MOSPD1: variants seen among roughly 807,000 people sequenced by gnomAD.
MOSPD1 encodes motile sperm domain containing 1, also known as motile sperm domain-containing protein 1.
MOSPD1 carries 5 observed loss-of-function variants against 16.7 expected under a neutral mutation model. The ratio of observed to expected loss-of-function variants is 0.30; its 90% CI spans 0.16 to 0.63. MOSPD1 has a LOEUF of 0.63. Ranked by LOEUF, MOSPD1 falls within the 30% of genes least tolerant of loss-of-function variation. The probability of loss-of-function intolerance (pLI) is 0.82; values close to 1 mark genes in which losing one functional copy is unlikely to be tolerated. For missense variants in MOSPD1, 104 were observed against 153.6 expected (o/e 0.68, Z 1.71); for synonymous variants, 67 against 59.2 (o/e 1.13, Z -0.61).
At chrX:134,905,434 T>G in intron 1 of MOSPD1, among the ~76,000 whole-genome samples, 1 of 107,427 alleles carries the variant, frequency 9.3e-6, no homozygotes, top group Non-Finnish European at 1.9e-5. Context: ...ATGGGTGAAA[T>G]TCTTTGGAAG....
At chrX:134,890,662 G>C (rs994094704) in intron 5 of MOSPD1, among the ~76,000 whole-genome samples, 1 of 110,458 alleles carries the variant, frequency 9.1e-6, no homozygotes, top group African/African-American at 3.3e-5. Flanking sequence ...TACAAAATTA[G>C]CCTGATGTGG....
chrX:134,890,896 A>T (rs1311155233), intron 5 of MOSPD1, among the ~76,000 whole-genome samples: 4 of 112,021 alleles, frequency 3.6e-5, no homozygotes, highest in Admixed American at 9.5e-5. Flanking sequence ...GGAGAACATG[A>T]GGAAAGTCAT....
chrX:134,913,852 A>G (rs1209365105), intron 1 of MOSPD1, among the ~76,000 whole-genome samples: 2 of 112,019 alleles, frequency 1.8e-5, no homozygotes, highest in Non-Finnish European at 3.8e-5. Context: ...TTAATCTCGC[A>G]TCCTGATTGG....
intron 1 of MOSPD1, among the ~76,000 whole-genome samples, chrX:134,910,588 G>T (rs1266381766): frequency 8.9e-6 from 1 of 111,769 alleles, no homozygotes; most frequent in African/African-American, 3.3e-5. Flanking sequence ...GTGTTAAACT[G>T]CTGATAGATA....
At chrX:134,908,612 C>T (rs1051162102) in intron 1 of MOSPD1, among the ~76,000 whole-genome samples, 2 of 112,146 alleles carry the variant, frequency 1.8e-5, no homozygotes, top group African/African-American at 6.5e-5. Flanking sequence ...TCTTGTCTTC[C>T]TCCCCTGTAC....
chrX:134,891,998 A>G (rs1466461329), intron 4 of MOSPD1, among the ~76,000 whole-genome samples: 2 of 112,354 alleles, frequency 1.8e-5, no homozygotes, highest in South Asian at 3.6e-4. Context: ...GTACTGTGTT[A>G]TGCTTAATAT....
chrX:134,891,246 T>C (rs185479313), intron 5 of MOSPD1, among the ~76,000 whole-genome samples: 1 of 110,750 alleles, frequency 9.0e-6, no homozygotes, highest in East Asian at 2.8e-4. Context: ...TTTTATGCCA[T>C]TGTAAGTCAG....
intron 1 of MOSPD1, among the ~76,000 whole-genome samples, chrX:134,905,864 AT>A (rs760890366): frequency 1.8e-5 from 2 of 112,488 alleles, no homozygotes; most frequent in Admixed American, 9.5e-5. Context: ...AGAGTATGAA[AT>A]GGTTCATAAA....
intron 1 of MOSPD1, among the ~76,000 whole-genome samples, chrX:134,903,711 C>CAA (rs772831491): frequency 0.26 from 14,435 of 54,624 alleles, 1,918 homozygotes; most frequent in African/African-American, 0.44. Flanking sequence ...GACTCCATCT[C>CAA]AAAAAAAAAA....
chrX:134,911,803 CCTT>C (rs2082973051), intron 1 of MOSPD1, among the ~76,000 whole-genome samples: 1 of 111,872 alleles, frequency 8.9e-6, no homozygotes, highest in East Asian at 2.8e-4. Flanking sequence ...CTAGAGCCTT[CCTT>C]CTTAAAAAAA....
chrX:134,900,226 T>C (rs1444468398), intron 1 of MOSPD1, among the ~76,000 whole-genome samples: 2 of 112,202 alleles, frequency 1.8e-5, no homozygotes, highest in Non-Finnish European at 3.8e-5. Context: ...TCGTCACAAC[T>C]GATTTTGCAT....
intron 1 of MOSPD1, among the ~76,000 whole-genome samples, chrX:134,903,077 T>C (rs766852389): frequency 9.2e-6 from 1 of 109,128 alleles, no homozygotes; most frequent in East Asian, 2.9e-4. Context: ...AACATCCAAA[T>C]TTGGCATCAC....
Position 134,906,328 on chromosome X carries a change from G to A in MOSPD1, c.-101-6794C>T, listed in dbSNP as rs769485634. ...CGAGTAGCTGGGAATAGAGGTGCACGCCACCACGCCTGGCTAATTTTTTTT... is the reference window on the plus strand; with the variant it reads ...CGAGTAGCTGGGAATAGAGGTGCACACCACCACGCCTGGCTAATTTTTTTT... On this transcript the variant is annotated intron_variant, in intron 1 of 5. Coordinates refer to ENST00000370783, the MANE Select transcript of MOSPD1 (RefSeq NM_019556.3). 4.0e-3 allele frequency among the ~76,000 whole-genome samples: 429 copies of A among 106,873 alleles called. 2 individuals are homozygous for A. The highest frequency in any genetic ancestry group is 5.5e-3 in the Non-Finnish European group (284 of 51,884). The allele number at this position is 106,873 out of a possible 115,157, so 92.8% of individuals were successfully genotyped here.
chrX:134,892,854 T>C (rs1017496391), intron 4 of MOSPD1, among the ~76,000 whole-genome samples: 3 of 111,399 alleles, frequency 2.7e-5, no homozygotes, highest in Non-Finnish European at 5.7e-5. Flanking sequence ...ACTGCACCAT[T>C]GTACTTCAGC....
intron 1 of MOSPD1, among the ~76,000 whole-genome samples, chrX:134,900,384 T>C (rs1603256060): frequency 8.9e-6 from 1 of 112,275 alleles, no homozygotes; most frequent in East Asian, 2.8e-4. Flanking sequence ...AGAGTTCTTT[T>C]AATCTTTTTT....
chrX:134,892,349 T>G (rs1473366717), intron 4 of MOSPD1, among the ~76,000 whole-genome samples: 2 of 112,157 alleles, frequency 1.8e-5, no homozygotes, highest in Non-Finnish European at 3.8e-5. Flanking sequence ...TACTGCATGA[T>G]TCCACTTACA....
chrX:134,898,381 C>G (rs1458733385), intron 3 of MOSPD1, among the ~76,000 whole-genome samples: 1 of 112,044 alleles, frequency 8.9e-6, no homozygotes, highest in African/African-American at 3.2e-5. Flanking sequence ...CATTTTATGG[C>G]TTTGAGCTGG....
intron 1 of MOSPD1, among the ~76,000 whole-genome samples, chrX:134,904,310 A>C (rs2148397663): frequency 8.9e-6 from 1 of 112,246 alleles, no homozygotes; most frequent in East Asian, 2.8e-4. Context: ...GGAACGATCA[A>C]GCATGTGCTT....
At chrX:134,904,405 G>A (rs989879999) in intron 1 of MOSPD1, among the ~76,000 whole-genome samples, 11 of 112,362 alleles carry the variant, frequency 9.8e-5, no homozygotes, top group African/African-American at 3.6e-4. Context: ...GAGATCGTAC[G>A]TCTAGGGATT....
Sources: gnomAD v4.1 joint callset for allele counts (sites outside exome capture counted in the v4.1 genomes callset) on GRCh38, gnomAD v4.1.1 for gene constraint, MANE v1.5 for transcripts, NCBI Gene and HGNC (gene_info 2026-07-23, HGNC 2026-07-21) for gene names.